WDR75: variants seen among roughly 807,000 people sequenced by gnomAD.
WDR75 encodes WD repeat domain 75.
In WDR75, 52 loss-of-function variants were observed where a neutral mutation model predicts 106.1. The observed-to-expected ratio is 0.49, with a 90% CI of 0.39 to 0.62. WDR75 has a LOEUF of 0.62. WDR75 is among the 20% of genes least tolerant of loss of function. WDR75 has a pLI of 0.00. For synonymous variants in WDR75, 333 were observed against 335.5 expected, an observed-to-expected ratio of 0.99 and a Z score of 0.08; for missense variants, 905 against 970.3, an observed-to-expected ratio of 0.93 and a Z score of 0.89.
intron 8 of WDR75, 96 bp from the exon 9 acceptor site, chr2:189,462,388 C>A: frequency 7.4e-7 from 1 of 1,351,770 alleles, no homozygotes; most frequent in Non-Finnish European, 1.0e-6. Context: ...GTTTATTTCT[C>A]TAGTACGGTA....
chr2:189,455,365 A>G lies in WDR75; in HGVS notation c.419A>G (p.Gln140Arg), dbSNP rs766098075. 3 of 1,614,216 alleles carry G rather than the reference A, an allele frequency of 1.9e-6. No homozygotes were observed. The highest frequency in any genetic ancestry group is 1.1e-5 in the South Asian group (1 of 91,080). Residue 140 changes from glutamine to arginine, a missense_variant, in exon 5 of 21, where the codon CAG becomes CGG. Gln to Arg is a conservative substitution (Grantham distance 43). Coordinates refer to ENST00000314761, the MANE Select transcript of WDR75 (RefSeq NM_032168.3). ...GTGAAACTGCCAAAATCCTCAAGCCAGGAAGTAGAAGCCAAGGAGCTGTCC... is the reference window on the plus strand; with the variant it reads ...GTGAAACTGCCAAAATCCTCAAGCCGGGAAGTAGAAGCCAAGGAGCTGTCC... ...VSVKLPKSSS[Q>R]EVEAKELSFV...
At chr2:189,457,181 C>A in intron 5 of WDR75, 130 bp from the exon 6 acceptor site, 1 of 606,786 alleles carries the variant, frequency 1.6e-6, no homozygotes, top group South Asian at 1.7e-5. Flanking sequence ...GCAGAGTTTG[C>A]AGTGAGCCGA....
intron 18 of WDR75, among the ~76,000 whole-genome samples, chr2:189,473,653 AC>A (rs919250734): frequency 6.6e-6 from 1 of 152,086 alleles, no homozygotes; most frequent in African/African-American, 2.4e-5. Flanking sequence ...TAGACTTTCC[AC>A]CAGCCCGTCT....
Position 189,462,593 on chromosome 2 carries a change from C to T in WDR75, c.888C>T (p.Ile296=), listed in dbSNP as rs752533457. ...LPRLGATIEH[I]SVSPAGDLFC... ...GTTTAGGAGCTACTATTGAACATAT[C>T]TCAGTCTCGCCTGCAGGAGATTTAT... Residue 296 remains isoleucine (I), a synonymous_variant, in exon 9 of 21, where the codon ATC becomes ATT. Coordinates refer to ENST00000314761, the MANE Select transcript of WDR75 (RefSeq NM_032168.3). The T allele has an allele frequency of 6.2e-7, 1 of 1,613,872 alleles. No individual in the cohort carries two copies. The highest frequency in any genetic ancestry group is 8.5e-7 in the Non-Finnish European group (1 of 1,179,966).
chr2:189,441,589 C>G lies in WDR75; in HGVS notation c.86+11C>G. 1 of 1,554,142 alleles carries G rather than the reference C, an allele frequency of 6.4e-7. No homozygotes were observed. The highest frequency in any genetic ancestry group is 8.7e-7 in the Non-Finnish European group (1 of 1,147,722). ...CTCTGCAGATTCTAAGTATGAGGGG[C>G]ACCGCGCTTTGTCGGCTGAGGGGCG... On this transcript the variant is annotated intron_variant, in intron 1 of 20. Transcript: ENST00000314761.
At chr2:189,459,301 A>T in intron 7 of WDR75, 35 bp from the exon 8 acceptor site, 1 of 1,510,948 alleles carries the variant, frequency 6.6e-7, no homozygotes, top group Non-Finnish European at 9.1e-7. Flanking sequence ...ACTTAAACCT[A>T]TGGTCAAAAT....
At chr2:189,454,398 C>CT (rs1686689764) in intron 4 of WDR75, among the ~76,000 whole-genome samples, 1 of 152,108 alleles carries the variant, frequency 6.6e-6, no homozygotes, top group Admixed American at 6.5e-5. Context: ...TCTGAAAACT[C>CT]TCAGATGATT....
At chr2:189,458,720 T>C (rs189403548) in intron 6 of WDR75, 33 bp from the exon 7 acceptor site, 2 of 1,503,800 alleles carry the variant, frequency 1.3e-6, no homozygotes, top group African/African-American at 2.8e-5. Flanking sequence ...GAGACTTTAA[T>C]AATTAAGGGA....
intron 1 of WDR75, among the ~76,000 whole-genome samples, chr2:189,446,494 A>C (rs1407824886): frequency 2.6e-5 from 4 of 152,196 alleles, no homozygotes; most frequent in Non-Finnish European, 5.9e-5. Context: ...ATACCATTTC[A>C]TACAACCATG....
In WDR75 at chr2:189,465,208, C is replaced by G. The variant is rs1261185984; in HGVS notation, c.1243C>G (p.Leu415Val). The G allele has an allele frequency of 1.2e-6, 2 of 1,612,970 alleles. No individual in the cohort carries two copies. Among genetic ancestry groups the G allele is most frequent in the Non-Finnish European group, 1.7e-6 (2 of 1,179,226 alleles). The change falls in exon 12 of 21, where the codon CTT becomes GTT. Residue 415 changes from leucine (L) to valine (V), a missense_variant. Transcript: ENST00000314761. ...VEQRQEKETE[L>V]ELQMKLWMYN... ...ACAGCGGCAAGAAAAGGAAACTGAG[C>G]TTGAATTGCAAATGAAACTGTGGAT...
At chr2:189,462,007 G>A (rs574847312) in intron 8 of WDR75, among the ~76,000 whole-genome samples, 19 of 152,230 alleles carry the variant, frequency 1.2e-4, no homozygotes, top group Non-Finnish European at 2.5e-4. Context: ...TTCTGTAAGT[G>A]GGGTTACATT....
At position 189,448,682 on chromosome 2, in the gene WDR75, C is replaced by G. The variant is rs1416357137; in HGVS notation, c.216+174C>G. 5.3e-5 allele frequency: 42 copies of G among 792,702 alleles called. No homozygotes were observed. In the East Asian group the frequency reaches 1.1e-3, roughly 20 times the overall value. The allele number at this position is 792,702 out of a possible 1,614,324, so 49.1% of individuals were successfully genotyped here. A position where few individuals can be genotyped will look rare whatever the true frequency, so the allele number is the denominator to read the frequency against. On this transcript the variant is annotated intron_variant, in intron 2 of 20. Transcript: ENST00000314761. ...CATTGCCTATAGCATATTCTGTGAA[C>G]CATTTGTTCCACAGAATGCTAAGAG...
At chr2:189,445,231 C>G (rs551585356) in intron 1 of WDR75, among the ~76,000 whole-genome samples, 1 of 152,336 alleles carries the variant, frequency 6.6e-6, no homozygotes, top group Non-Finnish European at 1.5e-5. Flanking sequence ...CAACATCATT[C>G]AGCTAATACA....
Position 189,459,429 on chromosome 2 carries a change from G to A in WDR75, c.778+5G>A, listed in dbSNP as rs370887025. 4 of 1,607,660 alleles carry A rather than the reference G, an allele frequency of 2.5e-6. No individual in the cohort carries two copies. The highest frequency in any genetic ancestry group is 1.7e-6 in the Non-Finnish European group (2 of 1,176,680). ...ATTTGGCTTTTTCAGTGACAGGTAA[G>A]TGCGGGTTTAATTATTAAAATGAAC... On this transcript the variant is annotated splice_donor_5th_base_variant and intron_variant, in intron 8 of 20. Coordinates refer to ENST00000314761, the MANE Select transcript of WDR75 (RefSeq NM_032168.3).
intron 6 of WDR75, among the ~76,000 whole-genome samples, chr2:189,458,024 A>G (rs911465873): frequency 2.0e-5 from 3 of 149,926 alleles, no homozygotes; most frequent in African/African-American, 7.4e-5. Flanking sequence ...CCCGGGTTCA[A>G]GTGATTGTCC....
Position 189,442,442 on chromosome 2 carries a change from C to CTTTTTTTTTTTTTT in WDR75, c.86+877_86+890dup, listed in dbSNP as rs1188214718. Among the ~76,000 whole-genome samples, 15 of 73,956 alleles carry CTTTTTTTTTTTTTT rather than the reference C, an allele frequency of 2.0e-4. 5 individuals are homozygous for CTTTTTTTTTTTTTT. The highest frequency in any genetic ancestry group is 3.3e-4 in the African/African-American group (6 of 18,148). The allele number at this position is 73,956 out of a possible 152,430, so 48.5% of individuals were successfully genotyped here. ...GAAAGTTTGTAGCCTCCACAATATT[C>CTTTTTTTTTTTTTT]TTTTTTTTTTTTTTTTTTTTTTTTT... On this transcript the variant is annotated intron_variant, in intron 1 of 20. Coordinates refer to ENST00000314761, the MANE Select transcript of WDR75 (RefSeq NM_032168.3).
In WDR75 at chr2:189,474,171, C is replaced by T. The variant is rs746219673; in HGVS notation, c.2050-15C>T. 2 of 1,601,372 alleles carry T rather than the reference C, an allele frequency of 1.2e-6. No homozygotes were observed. The highest frequency in any genetic ancestry group is 1.7e-6 in the Non-Finnish European group (2 of 1,176,160). On this transcript the variant is annotated splice_polypyrimidine_tract_variant and intron_variant, in intron 18 of 20. Transcript: ENST00000314761. ...TTTTTCTGAAATAATTTCTCTTTGTCTTAAATCCTTAAAGCTGCTAGCAGA... is the reference window on the plus strand; with the variant it reads ...TTTTTCTGAAATAATTTCTCTTTGTTTTAAATCCTTAAAGCTGCTAGCAGA...
Position 189,462,521 on chromosome 2 carries a change from T to G in WDR75, c.816T>G (p.Leu272=). The G allele has an allele frequency of 6.2e-7, 1 of 1,614,110 alleles. No individual in the cohort carries two copies. Among genetic ancestry groups the G allele is most frequent in the Non-Finnish European group, 8.5e-7 (1 of 1,179,970 alleles). The stretch of plus-strand genomic sequence containing the variant: ...TGAGTGGCGGTCGTGAATCTGTACT[T>G]GTAGAGTGGCGCGATGCAACAGAGA... ...SLLSGGRESV[L]VEWRDATEKN... is the part of the protein sequence containing the mutation. Residue 272 remains leucine, a synonymous_variant, in exon 9 of 21, where the codon CTT becomes CTG. Transcript: ENST00000314761.
intron 18 of WDR75, among the ~76,000 whole-genome samples, chr2:189,472,973 T>G (rs115984063): frequency 0.015 from 2,310 of 152,158 alleles, 52 homozygotes; most frequent in African/African-American, 0.053. Context: ...AATCCCACAT[T>G]TTGGAAGGCC....
Sources: allele counts gnomAD v4.1 joint callset (sites outside exome capture counted in the v4.1 genomes callset), GRCh38; gene constraint gnomAD v4.1.1; transcripts MANE v1.5; gene names NCBI Gene and HGNC (gene_info 2026-07-23, HGNC 2026-07-21).